The following ACVR1 variants were observed in gnomAD, a reference collection of about 807,000 sequenced individuals.
ACVR1 encodes the protein activin receptor type-1.
In ACVR1, 38 loss-of-function variants were observed where a neutral mutation model predicts 57.1. That is an observed-to-expected ratio of 0.67 (90% confidence interval 0.51 to 0.87). ACVR1 has a LOEUF of 0.87. Among genes scored for constraint, ACVR1 ranks in the 40% least tolerant of loss-of-function variants. The pLI is 0.00. For missense variants in ACVR1, 463 were observed against 638.2 expected, an observed-to-expected ratio of 0.73 and a Z score of 2.96; for synonymous variants, 212 against 228.1, an observed-to-expected ratio of 0.93 and a Z score of 0.63.
At chr2:157,813,905 C>T (rs897546565) in intron 2 of ACVR1, among the ~76,000 whole-genome samples, 2 of 152,176 alleles carry the variant, frequency 1.3e-5, no homozygotes, top group Non-Finnish European at 2.9e-5. Flanking sequence ...AAAAACCCCA[C>T]ATGACATTAG....
intron 1 of ACVR1, among the ~76,000 whole-genome samples, chr2:157,859,514 T>C (rs1689652093): frequency 6.6e-6 from 1 of 152,218 alleles, no homozygotes; most frequent in Non-Finnish European, 1.5e-5. Context: ...CCTCCAATTT[T>C]TTCTTGCGCG....
At chr2:157,766,855 G>A (rs999967969) in intron 7 of ACVR1, among the ~76,000 whole-genome samples, 5 of 152,064 alleles carry the variant, frequency 3.3e-5, no homozygotes, top group South Asian at 4.2e-4. Flanking sequence ...AATAAAATAC[G>A]AAAAGTACTA....
At chr2:157,778,853 T>C (rs1309515078) in intron 4 of ACVR1, among the ~76,000 whole-genome samples, 2 of 152,238 alleles carry the variant, frequency 1.3e-5, no homozygotes, top group African/African-American at 4.8e-5. Context: ...TACTCGCTTA[T>C]TCAGACATTC....
At chr2:157,834,669 A>G (rs1688715823) in intron 1 of ACVR1, among the ~76,000 whole-genome samples, 3 of 152,156 alleles carry the variant, frequency 2.0e-5, no homozygotes, top group Admixed American at 2.0e-4. Context: ...ATATATACAT[A>G]TATAAAAACA....
intron 1 of ACVR1, among the ~76,000 whole-genome samples, chr2:157,863,336 CTTTTTTTTTTTTTTTT>C (rs1161335923): frequency 1.4e-4 from 5 of 35,674 alleles, no homozygotes; most frequent in Non-Finnish European, 2.4e-4. Context: ...AATTGTTTCT[CTTTTTTTTTTTTTTTT>C]TTTTTTTTTT....
At chr2:157,836,528 A>G (rs1688788231) in intron 1 of ACVR1, among the ~76,000 whole-genome samples, 1 of 152,218 alleles carries the variant, frequency 6.6e-6, no homozygotes, top group Non-Finnish European at 1.5e-5. Context: ...GAAGGAAACC[A>G]GGACAAGCGT....
chr2:157,833,097 T>C (rs1159744938), intron 1 of ACVR1, among the ~76,000 whole-genome samples: 1 of 152,144 alleles, frequency 6.6e-6, no homozygotes, highest in Non-Finnish European at 1.5e-5. Context: ...TTTCTACCCT[T>C]CAAAAGCAAT....
intron 5 of ACVR1, 119 bp from the exon 6 acceptor site, chr2:157,774,306 G>A (rs768478544): frequency 2.3e-5 from 18 of 770,786 alleles, no homozygotes; most frequent in Non-Finnish European, 3.7e-5. Flanking sequence ...CACGTGGCCT[G>A]TTAGTGTACA....
At chr2:157,781,535 T>A (rs1686525534) in intron 3 of ACVR1, among the ~76,000 whole-genome samples, 1 of 152,052 alleles carries the variant, frequency 6.6e-6, no homozygotes, top group Admixed American at 6.6e-5. Flanking sequence ...AGGAAAAAAA[T>A]GGTGCCAAAT....
At chr2:157,813,271 C>T (rs75490252) in intron 2 of ACVR1, among the ~76,000 whole-genome samples, 2,692 of 151,594 alleles carry the variant, frequency 0.018, 36 homozygotes, top group East Asian at 0.042. Flanking sequence ...TGAAACTAAA[C>T]GGTTATCCCA....
At chr2:157,789,194 TCCAGGTG>T (rs542265240) in intron 3 of ACVR1, among the ~76,000 whole-genome samples, 466 of 152,298 alleles carry the variant, frequency 3.1e-3, no homozygotes, top group African/African-American at 0.01. Flanking sequence ...ACAGAAAGGC[TCCAGGTG>T]CCTACACTCC....
intron 9 of ACVR1, among the ~76,000 whole-genome samples, chr2:157,754,802 AC>A (rs569024623): frequency 2.8e-4 from 42 of 152,232 alleles, no homozygotes; most frequent in African/African-American, 9.6e-4. Flanking sequence ...AAAGAACATA[AC>A]AAAAAAAGAA....
chr2:157,792,468 A>G (rs114543577), intron 3 of ACVR1, among the ~76,000 whole-genome samples: 3 of 152,182 alleles, frequency 2.0e-5, no homozygotes, highest in Non-Finnish European at 4.4e-5. Flanking sequence ...GTCAGGCTAC[A>G]TGGAGTTGTG....
At chr2:157,769,435 G>T (rs897207235) in intron 7 of ACVR1, among the ~76,000 whole-genome samples, 1 of 152,200 alleles carries the variant, frequency 6.6e-6, no homozygotes, top group Non-Finnish European at 1.5e-5. Context: ...GTAAGCAAAA[G>T]TGAGAAATCA....
chr2:157,868,660 C>A (rs927926844), intron 1 of ACVR1, among the ~76,000 whole-genome samples: 10 of 152,116 alleles, frequency 6.6e-5, no homozygotes, highest in African/African-American at 2.4e-4. Flanking sequence ...TTTCAGAGGC[C>A]AGCCAAACAG....
intron 1 of ACVR1, among the ~76,000 whole-genome samples, chr2:157,823,654 G>C (rs1463787546): frequency 6.6e-6 from 1 of 152,024 alleles, no homozygotes; most frequent in Non-Finnish European, 1.5e-5. Flanking sequence ...ATTTGGCTAA[G>C]ACAAAAGGGG....
intron 1 of ACVR1, among the ~76,000 whole-genome samples, chr2:157,863,467 C>A (rs1689807220): frequency 6.9e-6 from 1 of 145,194 alleles, no homozygotes; most frequent in Non-Finnish European, 1.5e-5. Flanking sequence ...GAGGCCGAGG[C>A]CAGCGGATCA....
At chr2:157,744,420 T>A (rs1220720602) in intron 9 of ACVR1, among the ~76,000 whole-genome samples, 1 of 152,248 alleles carries the variant, frequency 6.6e-6, no homozygotes, top group African/African-American at 2.4e-5. Flanking sequence ...TGGACTAAAC[T>A]TTTTCATCTC....
In ACVR1 at chr2:157,737,342, A is replaced by C; in HGVS notation, c.*189T>G. On this transcript the variant is annotated 3_prime_UTR_variant, in exon 11 of 11. Transcript: ENST00000434821. ...TTCGTGAAATGCCCAGTTCACAGTC[A>C]TCGAGCGAGGTTAGGGTGGTTTTGA... 1.4e-6 allele frequency: 1 copy of C among 693,704 alleles called. No individual in the cohort carries two copies. Among genetic ancestry groups the C allele is most frequent in the Non-Finnish European group, 2.5e-6 (1 of 395,688 alleles). 43.0% of individuals were successfully genotyped at this position (693,704 alleles called of 1,614,324 possible). A position where few individuals can be genotyped will look rare whatever the true frequency, so the allele number is the denominator to read the frequency against.
Sources: gnomAD v4.1 joint callset for allele counts (sites outside exome capture counted in the v4.1 genomes callset) on GRCh38, gnomAD v4.1.1 for gene constraint, MANE v1.5 for transcripts, NCBI Gene and HGNC (gene_info 2026-07-23, HGNC 2026-07-21) for gene names.